RSF1: variants seen among roughly 807,000 people sequenced by gnomAD.
RSF1 encodes HBV pX-associated protein 8.
In RSF1, 13 loss-of-function variants were observed where a neutral mutation model predicts 145.2. That is an observed-to-expected ratio of 0.09 (90% CI 0.06 to 0.14). RSF1 has a LOEUF of 0.14. Among genes scored for constraint, RSF1 ranks in the 10% least tolerant of loss-of-function variants. The pLI, the probability that RSF1 is intolerant of heterozygous loss-of-function variation, is 1.00. For missense variants in RSF1, 1,517 were observed against 1,718.2 expected, an observed-to-expected ratio of 0.88 and a Z score of 2.07; for synonymous variants, 577 against 592.6, an observed-to-expected ratio of 0.97 and a Z score of 0.38.
intron 1 of RSF1, among the ~76,000 whole-genome samples, chr11:77,767,548 G>A (rs1043858936): frequency 2.6e-5 from 4 of 152,048 alleles, no homozygotes; most frequent in African/African-American, 9.7e-5. Flanking sequence ...TCCTTGATTC[G>A]AATCATTTTG....
At chr11:77,735,343 T>C (rs923379757) in intron 4 of RSF1, among the ~76,000 whole-genome samples, 4 of 152,236 alleles carry the variant, frequency 2.6e-5, no homozygotes, top group Non-Finnish European at 4.4e-5. Flanking sequence ...GTAGATCAAC[T>C]ATGTAAAATT....
chr11:77,764,169 A>G (rs1948203079), intron 2 of RSF1: 1 of 157,940 alleles, frequency 6.3e-6, no homozygotes, highest in Non-Finnish European at 1.4e-5. Context: ...GATGACCACT[A>G]TTGGTCTGTG....
the RSF1 span, chr11:77,829,939 C>T: frequency 6.6e-6 from 1 of 152,150 alleles, no homozygotes; most frequent in East Asian, 1.9e-4. Flanking sequence ...TGAGACCATC[C>T]TGGGAAACAT....
chr11:77,690,801 A>T (rs888461520), intron 9 of RSF1, among the ~76,000 whole-genome samples: 9 of 152,268 alleles, frequency 5.9e-5, no homozygotes, highest in Non-Finnish European at 1.2e-4. Flanking sequence ...TTGGCAGGTC[A>T]TAAGGTCTCT....
At chr11:77,858,870 C>T in the RSF1 span, among the ~76,000 whole-genome samples, 3 of 152,136 alleles carry the variant, frequency 2.0e-5, no homozygotes, top group Non-Finnish European at 2.9e-5. Context: ...TTTACAGCTT[C>T]GATTCTGGAA....
intron 2 of RSF1, among the ~76,000 whole-genome samples, chr11:77,753,283 C>T (rs550735949): frequency 4.6e-5 from 7 of 152,266 alleles, no homozygotes; most frequent in African/African-American, 1.4e-4. Context: ...ATTATACTAG[C>T]GAAAAAATTA....
At chr11:77,788,142 C>CAAAAATAAAAAA (rs1948477289) in intron 1 of RSF1, among the ~76,000 whole-genome samples, 1 of 3,432 alleles carries the variant, frequency 2.9e-4, no homozygotes, top group Non-Finnish European at 9.4e-4. Context: ...GACACTATCT[C>CAAAAATAAAAAA]AAAAAAAAAA....
chr11:77,679,059 T>A (rs1039734633), intron 11 of RSF1, among the ~76,000 whole-genome samples: 1 of 152,224 alleles, frequency 6.6e-6, no homozygotes, highest in African/African-American at 2.4e-5. Flanking sequence ...GCAGTCTCTG[T>A]TGTAACTACT....
intron 3 of RSF1, 76 bp from the exon 4 acceptor site, chr11:77,741,012 G>C: frequency 8.2e-6 from 9 of 1,102,078 alleles, no homozygotes. Context: ...TACAACCGTA[G>C]AATTGATTCA....
chr11:77,788,941 G>A (rs1590888038), intron 1 of RSF1, among the ~76,000 whole-genome samples: 1 of 152,166 alleles, frequency 6.6e-6, no homozygotes, highest in Non-Finnish European at 1.5e-5. Flanking sequence ...GTGAGGGTGA[G>A]ATGGGAGGAT....
chr11:77,832,697 G>GA, the RSF1 span, among the ~76,000 whole-genome samples: 608 of 133,304 alleles, frequency 4.6e-3, 5 homozygotes, highest in African/African-American at 0.011. Context: ...TCTGTTTTAA[G>GA]AAAAAAAAAA....
At chr11:77,748,012 G>A (rs572834584) in intron 2 of RSF1, among the ~76,000 whole-genome samples, 222 of 152,268 alleles carry the variant, frequency 1.5e-3, no homozygotes, top group Non-Finnish European at 2.6e-3. Context: ...CACAAGGCAA[G>A]AGATTAACCT....
Position 77,677,008 on chromosome 11 carries a change from G to T in RSF1, c.3134-9C>A, listed in dbSNP as rs200702322. ...TTTTCCTCGGCCAACTCCTGAATTT[G>T]GGGGAGGGAAGTTCGGGGAGAGAAA... is the stretch of plus-strand genomic sequence containing the variant. On this transcript the variant is annotated splice_polypyrimidine_tract_variant and intron_variant, in intron 12 of 15. Transcript: ENST00000308488. The T allele has an allele frequency of 6.9e-6, 11 of 1,596,366 alleles. No individual in the cohort carries two copies. The highest frequency in any genetic ancestry group is 4.5e-5 in the East Asian group (2 of 44,064).
chr11:77,851,769 A>T, the RSF1 span, among the ~76,000 whole-genome samples: 1 of 152,104 alleles, frequency 6.6e-6, no homozygotes, highest in Admixed American at 6.6e-5. Context: ...GCCTCCTCAG[A>T]AGTCAAGCAG....
At chr11:77,869,799 G>A in the RSF1 span, 5 of 1,613,752 alleles carry the variant, frequency 3.1e-6, no homozygotes, top group African/African-American at 5.3e-5. Flanking sequence ...TTGGCCGAGG[G>A]ATGAGTGAGG....
chr11:77,835,597 A>G, the RSF1 span, among the ~76,000 whole-genome samples: 1 of 152,266 alleles, frequency 6.6e-6, no homozygotes, highest in East Asian at 1.9e-4. Flanking sequence ...TAATTTTCCT[A>G]TGCATTTCCT....
At chr11:77,831,862 A>ATTTTTTTTT in the RSF1 span, 2 of 80,790 alleles carry the variant, frequency 2.5e-5, no homozygotes, top group Non-Finnish European at 4.5e-5. Flanking sequence ...TGCCTGGCTA[A>ATTTTTTTTT]TTTTTTTTTT....
chr11:77,694,452 T>TAGTTGTTACGAACG (rs1960234770), intron 7 of RSF1, among the ~76,000 whole-genome samples: 1 of 152,226 alleles, frequency 6.6e-6, no homozygotes, highest in Non-Finnish European at 1.5e-5. Context: ...CACTTAGTCT[T>TAGTTGTTACGAACG]ATAGTTGTTT....
At chr11:77,684,026 T>C (rs568159452) in intron 10 of RSF1, among the ~76,000 whole-genome samples, 6 of 152,364 alleles carry the variant, frequency 3.9e-5, no homozygotes, top group East Asian at 1.9e-4. Context: ...GAAATCCTTC[T>C]GTATTAAAAT....
Sources: gnomAD v4.1 joint callset for allele counts (sites outside exome capture counted in the v4.1 genomes callset) on GRCh38, gnomAD v4.1.1 for gene constraint, MANE v1.5 for transcripts, NCBI Gene and HGNC (gene_info 2026-07-23, HGNC 2026-07-21) for gene names.